SLC38A12: variants seen among roughly 807,000 people sequenced by gnomAD.
SLC38A12 encodes putative sodium-coupled neutral amino acid transporter 12.
chr17:74,832,838 G>A, the SLC38A12 span, among the ~76,000 whole-genome samples: 1 of 152,234 alleles, frequency 6.6e-6, no homozygotes, highest in Non-Finnish European at 1.5e-5. Context: ...TGACTCGTAG[G>A]CGGCAGCAAA....
the SLC38A12 span, among the ~76,000 whole-genome samples, chr17:74,792,858 T>G: frequency 5.5e-3 from 841 of 152,358 alleles, 5 homozygotes; most frequent in Middle Eastern, 0.024. Context: ...TGCTTCTCCT[T>G]TGTTCCATTT....
the SLC38A12 span, chr17:74,838,999 A>T: frequency 6.5e-7 from 1 of 1,535,612 alleles, no homozygotes; most frequent in East Asian, 2.4e-5. Flanking sequence ...TCTACCCAAC[A>T]TCTGCCACCT....
the SLC38A12 span, among the ~76,000 whole-genome samples, chr17:74,812,877 G>A: frequency 7.2e-5 from 11 of 152,164 alleles, no homozygotes; most frequent in African/African-American, 1.4e-4. Context: ...CTGGCCTCCC[G>A]TGTTGAAACT....
At chr17:74,795,429 G>A in the SLC38A12 span, 98 of 1,068,582 alleles carry the variant, frequency 9.2e-5, no homozygotes, top group Admixed American at 1.2e-4. Context: ...CTGATTGTTG[G>A]CGCTCAGGCA....
At chr17:74,797,110 TC>T in the SLC38A12 span, among the ~76,000 whole-genome samples, 1 of 152,142 alleles carries the variant, frequency 6.6e-6, no homozygotes, top group South Asian at 2.1e-4. Flanking sequence ...CCAGGCACAC[TC>T]CCCGCCCACC....
the SLC38A12 span, chr17:74,836,220 T>G: frequency 1.2e-6 from 2 of 1,611,708 alleles, no homozygotes; most frequent in Non-Finnish European, 1.7e-6. This position sits in a 1 kb window ranked among gnomAD's most constrained non-coding sequence, Gnocchi z 4.2. Context: ...CACCCTCAAC[T>G]TCGCGCGCTG....
chr17:74,785,345 G>C, the SLC38A12 span: 2 of 1,293,014 alleles, frequency 1.5e-6, no homozygotes. Context: ...TAATTCTCCT[G>C]TCCTGCCTCC....
the SLC38A12 span, chr17:74,790,855 G>A: frequency 3.0e-6 from 3 of 1,014,482 alleles, no homozygotes; most frequent in Non-Finnish European, 4.5e-6. Flanking sequence ...TTGGACACTT[G>A]GGGATTTCAT....
At chr17:74,821,653 C>A in the SLC38A12 span, among the ~76,000 whole-genome samples, 2 of 152,208 alleles carry the variant, frequency 1.3e-5, no homozygotes, top group East Asian at 1.9e-4. Context: ...TGGGTAAGGC[C>A]GAGTGGGTAA....
the SLC38A12 span, among the ~76,000 whole-genome samples, chr17:74,802,687 A>G: frequency 6.6e-6 from 1 of 152,204 alleles, no homozygotes; most frequent in Non-Finnish European, 1.5e-5. Flanking sequence ...CAAAAATCCA[A>G]AATATTCCAG....
At chr17:74,832,225 C>G in the SLC38A12 span, among the ~76,000 whole-genome samples, 1 of 152,268 alleles carries the variant, frequency 6.6e-6, no homozygotes, top group East Asian at 1.9e-4. Flanking sequence ...TTTCTCCCTT[C>G]CCTCCCTTTC....
the SLC38A12 span, among the ~76,000 whole-genome samples, chr17:74,835,697 C>G: frequency 6.6e-6 from 1 of 152,202 alleles, no homozygotes; most frequent in Admixed American, 6.5e-5. Flanking sequence ...CCCCACATAC[C>G]CAGGCCCCCT....
At chr17:74,835,933 CCGT>C in the SLC38A12 span, 1 of 1,598,966 alleles carries the variant, frequency 6.3e-7, no homozygotes, top group Admixed American at 1.7e-5. Context: ...CCAGCTTTCG[CCGT>C]CATGATTGTG....
the SLC38A12 span, chr17:74,790,062 T>G: frequency 1.5e-6 from 1 of 647,254 alleles, no homozygotes; most frequent in Non-Finnish European, 2.8e-6. Context: ...CAGGTGATCC[T>G]CCCATCTCAG....
the SLC38A12 span, among the ~76,000 whole-genome samples, chr17:74,779,678 C>T: frequency 5.9e-5 from 9 of 152,206 alleles, no homozygotes; most frequent in Non-Finnish European, 1.3e-4. Context: ...CTCAAGACAA[C>T]GTGGGCAGAG....
chr17:74,820,354 C>T, the SLC38A12 span, among the ~76,000 whole-genome samples: 2 of 152,240 alleles, frequency 1.3e-5, no homozygotes, highest in Non-Finnish European at 2.9e-5. Flanking sequence ...AAAAGACACT[C>T]CCTCCACAGC....
the SLC38A12 span, chr17:74,836,130 G>A: frequency 1.3e-5 from 21 of 1,613,820 alleles, no homozygotes; most frequent in Middle Eastern, 1.6e-4. The surrounding 1 kb of genome is among the most constrained non-coding windows in gnomAD (Gnocchi z 4.2). Flanking sequence ...CCTGGACTAC[G>A]TGCTGATCCT....
the SLC38A12 span, among the ~76,000 whole-genome samples, chr17:74,810,882 G>A: frequency 0.29 from 44,721 of 152,168 alleles, 6,924 homozygotes; most frequent in East Asian, 0.43. Context: ...CAGGCTGCCG[G>A]CATGGTTTCT....
the SLC38A12 span, among the ~76,000 whole-genome samples, chr17:74,821,307 C>T: frequency 2.0e-5 from 3 of 152,202 alleles, no homozygotes; most frequent in Non-Finnish European, 4.4e-5. Flanking sequence ...CACGAGGGAG[C>T]GGGAGGACAC....
Sources: gnomAD v4.1 joint callset for allele counts (sites outside exome capture counted in the v4.1 genomes callset) on GRCh38, gnomAD v4.1.1 for gene constraint, Gnocchi (gnomAD v3.1) non-coding constraint, MANE v1.5 for transcripts, NCBI Gene and HGNC (gene_info 2026-07-23, HGNC 2026-07-21) for gene names.